The following ROBO2 variants were observed in gnomAD, a reference collection of about 807,000 sequenced individuals.
ROBO2 encodes roundabout guidance receptor 2, also known as roundabout homolog 2.
Under a neutral mutation model 160.8 loss-of-function variants are expected in ROBO2, and 53 were observed. The ratio of observed to expected loss-of-function variants is 0.33; its 90% CI spans 0.26 to 0.41. The LOEUF is 0.41. ROBO2 is among the 10% of genes least tolerant of loss of function. The probability of loss-of-function intolerance (pLI) is 1.00; values close to 1 mark genes in which losing one functional copy is unlikely to be tolerated. For missense variants in ROBO2, 1,577 were observed against 1,722.4 expected (o/e 0.92, Z 1.49); for synonymous variants, 664 against 611.7 (o/e 1.09, Z -1.26).
intron 2 of ROBO2, among the ~76,000 whole-genome samples, chr3:77,431,011 T>G (rs2078712615): frequency 6.6e-6 from 1 of 152,240 alleles, no homozygotes; most frequent in South Asian, 2.1e-4. Flanking sequence ...AAATTTTATA[T>G]GTGATCTGCT....
chr3:76,171,829 C>G (rs747111680), intron 2 of ROBO2, among the ~76,000 whole-genome samples: 1 of 151,762 alleles, frequency 6.6e-6, no homozygotes, highest in Admixed American at 6.6e-5. Context: ...TATTTTTGGC[C>G]GATGACTCAG....
intron 2 of ROBO2, among the ~76,000 whole-genome samples, chr3:76,720,564 A>G (rs900982074): frequency 1.3e-5 from 2 of 152,248 alleles, no homozygotes; most frequent in Non-Finnish European, 2.9e-5. Flanking sequence ...AGATTTACAT[A>G]CTTTGCAAGT....
At chr3:77,183,642 C>T (rs114050787) in intron 2 of ROBO2, among the ~76,000 whole-genome samples, 1,991 of 152,038 alleles carry the variant, frequency 0.013, 64 homozygotes, top group African/African-American at 0.045. Flanking sequence ...TCTTTTGTGT[C>T]GGCCACCCAG....
intron 2 of ROBO2, among the ~76,000 whole-genome samples, chr3:76,841,974 CCA>C (rs1576989142): frequency 1.3e-5 from 2 of 152,124 alleles, no homozygotes; most frequent in African/African-American, 4.8e-5. Flanking sequence ...CAGGATAAAA[CCA>C]CAGTCTAAAC....
chr3:76,131,283 C>T (rs2071210682), intron 2 of ROBO2, among the ~76,000 whole-genome samples: 1 of 152,128 alleles, frequency 6.6e-6, no homozygotes, highest in Non-Finnish European at 1.5e-5. Context: ...GAAGATCAAA[C>T]TGCAGTTTAT....
At chr3:77,431,075 A>G (rs1461991891) in intron 2 of ROBO2, among the ~76,000 whole-genome samples, 1 of 152,204 alleles carries the variant, frequency 6.6e-6, no homozygotes, top group Non-Finnish European at 1.5e-5. Flanking sequence ...GAAACTTTTC[A>G]GCGTTAGAAT....
At chr3:76,047,777 A>G (rs897304649) in intron 2 of ROBO2, among the ~76,000 whole-genome samples, 9 of 152,176 alleles carry the variant, frequency 5.9e-5, no homozygotes, top group Non-Finnish European at 7.3e-5. Flanking sequence ...GTTAATTTCT[A>G]CTAAGAAGTG....
intron 2 of ROBO2, among the ~76,000 whole-genome samples, chr3:77,240,285 G>T (rs749342820): frequency 1.5e-4 from 23 of 152,170 alleles, no homozygotes; most frequent in Non-Finnish European, 3.1e-4. Context: ...GGGTGGGCTG[G>T]CAGTGCTGGG....
intron 2 of ROBO2, among the ~76,000 whole-genome samples, chr3:76,036,552 TGGA>T (rs2067115371): frequency 6.6e-6 from 1 of 151,952 alleles, no homozygotes; most frequent in African/African-American, 2.4e-5. Context: ...TTGCCCAGGC[TGGA>T]GCTCAATGGC....
intron 2 of ROBO2, among the ~76,000 whole-genome samples, chr3:77,255,073 G>T (rs2090780213): frequency 1.3e-5 from 2 of 152,182 alleles, no homozygotes; most frequent in African/African-American, 4.8e-5. Flanking sequence ...AAAGATATAG[G>T]AAAGTAAATT....
chr3:76,252,793 A>G (rs1202016819), intron 2 of ROBO2, among the ~76,000 whole-genome samples: 2 of 148,426 alleles, frequency 1.3e-5, no homozygotes, highest in Non-Finnish European at 3.0e-5. Flanking sequence ...ACACACACAC[A>G]GAGTTTTTTT....
At chr3:76,732,012 C>T (rs2093644596) in intron 2 of ROBO2, among the ~76,000 whole-genome samples, 1 of 152,012 alleles carries the variant, frequency 6.6e-6, no homozygotes, top group African/African-American at 2.4e-5. Context: ...TTTCATCTTT[C>T]AGAGCCCAGA....
At chr3:75,942,811 C>G (rs1417202888) in intron 2 of ROBO2, among the ~76,000 whole-genome samples, 6 of 152,030 alleles carry the variant, frequency 3.9e-5, no homozygotes, top group Non-Finnish European at 7.4e-5. Flanking sequence ...TTTTGATTTC[C>G]TTGTCTTCAA....
chr3:76,627,937 A>G (rs1021268403), intron 2 of ROBO2, among the ~76,000 whole-genome samples: 1 of 152,218 alleles, frequency 6.6e-6, no homozygotes, highest in Non-Finnish European at 1.5e-5. Context: ...GTCTAGAAAC[A>G]AATGAATACC....
At position 76,613,728 on chromosome 3, in the gene ROBO2, TA is replaced by T. The variant is rs544369443; in HGVS notation, c.110-484283del. ...GTGACTAATTTATGCCACCTATCAA[TA>T]AAGTTCATCTCTTTAAAGGATTTTC... is the stretch of plus-strand genomic sequence containing the variant. On this transcript the variant is annotated intron_variant, in intron 2 of 26. Coordinates refer to the ROBO2 transcript ENST00000487694. Among the ~76,000 whole-genome samples the T allele has an allele frequency of 3.5e-3, 534 of 152,128 alleles. 2 individuals are homozygous for T. Among genetic ancestry groups the T allele is most frequent in the Admixed American group, 7.1e-3 (109 of 15,278 alleles).
At chr3:77,165,055 G>A (rs907589208) in intron 2 of ROBO2, among the ~76,000 whole-genome samples, 1 of 152,074 alleles carries the variant, frequency 6.6e-6, no homozygotes, top group Non-Finnish European at 1.5e-5. Flanking sequence ...CCCCGTCTGG[G>A]AGGTGTGCCC....
chr3:76,065,725 TATTTAAACTAA>T (rs199896687), intron 2 of ROBO2, among the ~76,000 whole-genome samples: 52 of 60,540 alleles, frequency 8.6e-4, no homozygotes, highest in African/African-American at 4.8e-3. Flanking sequence ...AATATATGCA[TATTTAAACTAA>T]ATATATATAT....
intron 2 of ROBO2, among the ~76,000 whole-genome samples, chr3:76,524,152 G>T (rs2081799595): frequency 6.6e-6 from 1 of 151,998 alleles, no homozygotes; most frequent in Non-Finnish European, 1.5e-5. Context: ...AGATGTTAAT[G>T]AACTTGTGAA....
intron 2 of ROBO2, among the ~76,000 whole-genome samples, chr3:77,267,435 C>T (rs2059198063): frequency 6.6e-6 from 1 of 152,134 alleles, no homozygotes; most frequent in East Asian, 1.9e-4. Flanking sequence ...GGTTCAGTTT[C>T]TTACAGGTAT....
Sources: gnomAD v4.1 joint callset for allele counts (sites outside exome capture counted in the v4.1 genomes callset) on GRCh38, gnomAD v4.1.1 for gene constraint, MANE v1.5 for transcripts, NCBI Gene and HGNC (gene_info 2026-07-23, HGNC 2026-07-21) for gene names.